The following ALK variants were observed in gnomAD, a reference collection of about 807,000 sequenced individuals.
The protein encoded by ALK is ALK receptor tyrosine kinase, also known as ALK tyrosine kinase receptor.
A neutral mutation model predicts 163.1 loss-of-function variants in ALK; 74 were observed. The ratio of observed to expected loss-of-function variants is 0.45; its 90% confidence interval spans 0.38 to 0.55. ALK has a LOEUF of 0.55. ALK is among the 20% of genes least tolerant of loss of function. The pLI is 0.00. For missense variants in ALK, 2,063 were observed against 2,105.3 expected (o/e 0.98, Z 0.39); for synonymous variants, 960 against 843.2 (o/e 1.14, Z -2.40).
At chr2:29,275,700 T>A (rs1665529013) in intron 9 of ALK, among the ~76,000 whole-genome samples, 2 of 152,102 alleles carry the variant, frequency 1.3e-5, no homozygotes, top group Admixed American at 1.3e-4. Flanking sequence ...GAACTATCGC[T>A]CCGTACTGTT....
chr2:29,308,925 A>G (rs1354833901), intron 8 of ALK, among the ~76,000 whole-genome samples: 1 of 151,810 alleles, frequency 6.6e-6, no homozygotes, highest in African/African-American at 2.4e-5. Flanking sequence ...CTGTTTTTTA[A>G]TCTTCTGGGT....
At chr2:29,802,717 C>CTGTAGG (rs1487861409) in intron 1 of ALK, among the ~76,000 whole-genome samples, 1 of 151,654 alleles carries the variant, frequency 6.6e-6, no homozygotes, top group Non-Finnish European at 1.5e-5. Flanking sequence ...TTTTAGATCA[C>CTGTAGG]TGTTCTATAC....
At chr2:29,479,757 C>G (rs1671617414) in intron 4 of ALK, among the ~76,000 whole-genome samples, 1 of 152,208 alleles carries the variant, frequency 6.6e-6, no homozygotes, top group African/African-American at 2.4e-5. Context: ...CTTTGCTCTC[C>G]TACCACCGCC....
chr2:29,718,408 T>C (rs191732352), intron 1 of ALK, among the ~76,000 whole-genome samples: 22 of 152,354 alleles, frequency 1.4e-4, no homozygotes, highest in Admixed American at 9.1e-4. Flanking sequence ...GATCATGCAC[T>C]GCCTGATCTA....
chr2:29,565,605 G>C (rs1674155308), intron 3 of ALK, among the ~76,000 whole-genome samples: 1 of 152,140 alleles, frequency 6.6e-6, no homozygotes, highest in Admixed American at 6.5e-5. Flanking sequence ...TTCTTCAGTG[G>C]AGCACTCCTG....
At chr2:29,647,799 C>T (rs1360652592) in intron 3 of ALK, among the ~76,000 whole-genome samples, 1 of 136,062 alleles carries the variant, frequency 7.3e-6, no homozygotes, top group Non-Finnish European at 1.6e-5. Flanking sequence ...TTTTTTGCCA[C>T]AGTCACATGC....
intron 1 of ALK, among the ~76,000 whole-genome samples, chr2:29,908,932 CA>C (rs1667625010): frequency 6.6e-6 from 1 of 152,012 alleles, no homozygotes; most frequent in Non-Finnish European, 1.5e-5. Flanking sequence ...TTCAACTTGG[CA>C]AGTGCTCAAT....
rs147046176 is a variant in ALK, at chr2:29,280,304, T to C, written c.1818-4808A>G. ...GGGATTGAGTGAAAGTTTTAGTATG[T>C]ACCATGTAGACCACTCTGGGACTGA... On this transcript the variant is annotated intron_variant, in intron 9 of 28. Coordinates refer to ENST00000389048, the MANE Select transcript of ALK (RefSeq NM_004304.5). Among the ~76,000 whole-genome samples the C allele has an allele frequency of 8.5e-4, 129 of 152,080 alleles. 3 individuals carry two copies. In the East Asian group the frequency reaches 0.02, roughly 23 times the overall value.
At chr2:29,498,462 G>T (rs891738331) in intron 4 of ALK, among the ~76,000 whole-genome samples, 35 of 152,080 alleles carry the variant, frequency 2.3e-4, no homozygotes, top group Admixed American at 1.6e-3. Context: ...CTTTCTCTGT[G>T]TCGACCTCAT....
chr2:29,819,699 G>A (rs1017439352), intron 1 of ALK, among the ~76,000 whole-genome samples: 31 of 152,216 alleles, frequency 2.0e-4, no homozygotes, highest in African/African-American at 7.2e-4. Flanking sequence ...CAGAGCTGTT[G>A]CATGTGTTTT....
chr2:29,510,999 C>A (rs1046178076), intron 4 of ALK, among the ~76,000 whole-genome samples: 1 of 152,154 alleles, frequency 6.6e-6, no homozygotes. Context: ...CTCTCACTAG[C>A]CCTTCACCCT....
intron 4 of ALK, among the ~76,000 whole-genome samples, chr2:29,473,627 G>T (rs745377608): frequency 3.4e-4 from 52 of 152,080 alleles, no homozygotes; most frequent in Non-Finnish European, 5.1e-4. Flanking sequence ...CATATGAAAG[G>T]TGTTCAAAAT....
chr2:29,572,279 G>T lies in ALK; in HGVS notation c.953-40163C>A, dbSNP rs367580913. Among the ~76,000 whole-genome samples the T allele has an allele frequency of 2.6e-5, 4 of 152,226 alleles. No homozygotes were observed. The East Asian group carries it at 5.8e-4, about 22-fold the overall frequency. On this transcript the variant is annotated intron_variant, in intron 3 of 28. Transcript: ENST00000389048. ...CCAGGTGAGGCATATTTGTGGAGAG[G>T]TCTTGAGCCCTGGAAGGAGACGTCA... is the stretch of plus-strand genomic sequence containing the variant.
chr2:29,504,919 G>C (rs1000842440), intron 4 of ALK, among the ~76,000 whole-genome samples: 1 of 152,178 alleles, frequency 6.6e-6, no homozygotes, highest in African/African-American at 2.4e-5. Context: ...GGGTAGAGAG[G>C]GGGAGGCAAG....
intron 9 of ALK, among the ~76,000 whole-genome samples, chr2:29,278,075 A>G (rs1226284919): frequency 6.6e-6 from 1 of 152,198 alleles, no homozygotes; most frequent in Non-Finnish European, 1.5e-5. Context: ...GAATTACACC[A>G]GGGTGGGGAG....
chr2:29,858,548 C>T (rs983284796), intron 1 of ALK, among the ~76,000 whole-genome samples: 5 of 149,772 alleles, frequency 3.3e-5, no homozygotes, highest in Admixed American at 6.7e-5. Context: ...GACTGACCAA[C>T]GTGGCGAAAC....
At chr2:29,879,620 T>C (rs1478076142) in intron 1 of ALK, among the ~76,000 whole-genome samples, 4 of 152,338 alleles carry the variant, frequency 2.6e-5, no homozygotes, top group African/African-American at 9.6e-5. Context: ...ACGTTTAAGA[T>C]AATGGTTCAT....
chr2:29,742,535 C>A (rs1242231984), intron 1 of ALK, among the ~76,000 whole-genome samples: 1 of 152,144 alleles, frequency 6.6e-6, no homozygotes, highest in African/African-American at 2.4e-5. Context: ...GCTCTGATTT[C>A]CCCTACAGGC....
chr2:29,272,587 C>T lies in ALK; in HGVS notation c.2041+2512G>A, dbSNP rs115546362. The stretch of plus-strand genomic sequence containing the variant: ...ACTGTTCTCAAAAGACCCCAAAGGG[C>T]CTTTGCGTTTCTAGTTCTCTAAAGC... On this transcript the variant is annotated intron_variant, in intron 11 of 28. Coordinates refer to ENST00000389048, the MANE Select transcript of ALK (RefSeq NM_004304.5). 8.9e-3 allele frequency among the ~76,000 whole-genome samples: 1,361 copies of T among 152,310 alleles called. 28 individuals are homozygous for T. The highest frequency in any genetic ancestry group is 0.079 in the East Asian group (411 of 5,176).
Sources: gnomAD v4.1 joint callset for allele counts (sites outside exome capture counted in the v4.1 genomes callset) on GRCh38, gnomAD v4.1.1 for gene constraint, MANE v1.5 for transcripts, NCBI Gene and HGNC (gene_info 2026-07-23, HGNC 2026-07-21) for gene names.